The following PLEKHG1 variants were observed in gnomAD, a reference collection of about 807,000 sequenced individuals.
PLEKHG1 encodes the protein pleckstrin homology domain-containing family G member 1.
In PLEKHG1, 44 loss-of-function variants were observed where a neutral mutation model predicts 100.8. That is an observed-to-expected ratio of 0.44 (90% confidence interval 0.34 to 0.56). The LOEUF is 0.56. Among genes scored for constraint, PLEKHG1 ranks in the 20% least tolerant of loss-of-function variants. The pLI is 0.01. For synonymous variants in PLEKHG1, 640 were observed against 662.5 expected (o/e 0.97, Z 0.52); for missense variants, 1,545 against 1,720.9 (o/e 0.90, Z 1.81).
chr6:150,638,128 A>G (rs955564288), intron 2 of PLEKHG1: 2 of 152,152 alleles, frequency 1.3e-5, no homozygotes, highest in African/African-American at 4.8e-5. Context: ...TTAAGAAGGT[A>G]TTGTTCTTCA....
chr6:150,822,590 A>G (rs1776368468), intron 13 of PLEKHG1, among the ~76,000 whole-genome samples: 1 of 152,252 alleles, frequency 6.6e-6, no homozygotes, highest in African/African-American at 2.4e-5. Context: ...GGAATATTCT[A>G]CAGCTGTCAA....
At chr6:150,666,343 G>A (rs1377963919) in intron 3 of PLEKHG1, among the ~76,000 whole-genome samples, 2 of 152,126 alleles carry the variant, frequency 1.3e-5, no homozygotes, top group Non-Finnish European at 2.9e-5. Context: ...CACTGAGTTC[G>A]CCACAGGATA....
At chr6:150,704,343 TCAGAGACAAA>T (rs1780920359) in intron 3 of PLEKHG1, among the ~76,000 whole-genome samples, 3 of 152,208 alleles carry the variant, frequency 2.0e-5, no homozygotes, top group Non-Finnish European at 4.4e-5. Context: ...CCCTCTGAAC[TCAGAGACAAA>T]AGGGGCTTTT....
intron 10 of PLEKHG1, among the ~76,000 whole-genome samples, chr6:150,813,742 G>C (rs1034656246): frequency 2.0e-5 from 3 of 152,156 alleles, no homozygotes; most frequent in Non-Finnish European, 4.4e-5. Context: ...AGGTGGGACG[G>C]TTTTGAGTGT....
chr6:150,700,097 A>G (rs1459317470), intron 3 of PLEKHG1, among the ~76,000 whole-genome samples: 1 of 152,174 alleles, frequency 6.6e-6, no homozygotes, highest in Non-Finnish European at 1.5e-5. Flanking sequence ...CCAATATTAC[A>G]GTGAATCGGG....
intron 1 of PLEKHG1, among the ~76,000 whole-genome samples, chr6:150,730,720 T>C (rs1782204450): frequency 6.6e-6 from 1 of 152,090 alleles, no homozygotes; most frequent in African/African-American, 2.4e-5. Flanking sequence ...CTGGCCAACG[T>C]GGTGAAACCC....
At chr6:150,715,191 T>A (rs1016672498) in intron 3 of PLEKHG1, among the ~76,000 whole-genome samples, 5 of 152,186 alleles carry the variant, frequency 3.3e-5, no homozygotes, top group South Asian at 2.1e-4. Context: ...ATAATTTTTT[T>A]TAAAAAAAGA....
chr6:150,718,250 G>C (rs545835428), upstream of PLEKHG1, among the ~76,000 whole-genome samples: 1 of 152,110 alleles, frequency 6.6e-6, no homozygotes. Context: ...CAAAAGCCTG[G>C]TGGCAAACCA....
intron 15 of PLEKHG1, among the ~76,000 whole-genome samples, chr6:150,839,341 C>T (rs1039815538): frequency 3.3e-5 from 5 of 152,170 alleles, no homozygotes; most frequent in Non-Finnish European, 5.9e-5. Context: ...GTCTTGAACT[C>T]CTGACCTCAA....
chr6:150,806,204 A>C (rs1346453589), intron 7 of PLEKHG1, among the ~76,000 whole-genome samples: 1 of 135,232 alleles, frequency 7.4e-6, no homozygotes, highest in Non-Finnish European at 1.5e-5. Flanking sequence ...GGAAGATGAC[A>C]TTCTAATCTT....
intron 3 of PLEKHG1, among the ~76,000 whole-genome samples, chr6:150,653,310 T>C (rs1778823094): frequency 6.6e-6 from 1 of 152,108 alleles, no homozygotes; most frequent in Non-Finnish European, 1.5e-5. Context: ...ATTTAATATT[T>C]TTTCCTGGAG....
chr6:150,684,296 T>C (rs916062517), intron 3 of PLEKHG1, among the ~76,000 whole-genome samples: 1 of 152,196 alleles, frequency 6.6e-6, no homozygotes, highest in Non-Finnish European at 1.5e-5. Context: ...TGGGGATAGA[T>C]AGTTGCGTGA....
chr6:150,619,519 C>G (rs1217310145), intron 1 of PLEKHG1, among the ~76,000 whole-genome samples: 1 of 152,158 alleles, frequency 6.6e-6, no homozygotes, highest in Non-Finnish European at 1.5e-5. Flanking sequence ...TTTTCTGACA[C>G]AGTTTCATCT....
At chr6:150,737,285 T>C (rs1004058272) in intron 2 of PLEKHG1, among the ~76,000 whole-genome samples, 2 of 147,090 alleles carry the variant, frequency 1.4e-5, no homozygotes, top group African/African-American at 2.5e-5. Context: ...ATGGGTATTT[T>C]TTTTTTTTTT....
chr6:150,620,169 T>A (rs1343339610), intron 1 of PLEKHG1, among the ~76,000 whole-genome samples: 1 of 152,230 alleles, frequency 6.6e-6, no homozygotes. Context: ...TTATTGTGTT[T>A]TTAATCTGAA....
At chr6:150,763,782 G>A (rs1243260391) in intron 2 of PLEKHG1, among the ~76,000 whole-genome samples, 2 of 152,202 alleles carry the variant, frequency 1.3e-5, no homozygotes, top group Non-Finnish European at 2.9e-5. Flanking sequence ...GGGTCCCCAT[G>A]TACTCATTGA....
intron 14 of PLEKHG1, chr6:150,827,993 C>T (rs1184509701): frequency 8.5e-6 from 13 of 1,520,662 alleles, no homozygotes; most frequent in South Asian, 3.5e-5. Flanking sequence ...CCAAAGCTGG[C>T]GAGGGCTTGT....
At chr6:150,706,711 T>C (rs1436785580) in intron 3 of PLEKHG1, among the ~76,000 whole-genome samples, 1 of 151,994 alleles carries the variant, frequency 6.6e-6, no homozygotes, top group Admixed American at 6.6e-5. Flanking sequence ...TCTTAATTCC[T>C]TCATAGAAAC....
intron 3 of PLEKHG1, among the ~76,000 whole-genome samples, chr6:150,664,971 T>C (rs149455595): frequency 6.6e-6 from 1 of 152,276 alleles, no homozygotes; most frequent in East Asian, 1.9e-4. Flanking sequence ...ATAAGGCCAA[T>C]AATTGGGCTG....
Sources: allele counts gnomAD v4.1 joint callset (sites outside exome capture counted in the v4.1 genomes callset), GRCh38; gene constraint gnomAD v4.1.1; transcripts MANE v1.5; gene names NCBI Gene and HGNC (gene_info 2026-07-23, HGNC 2026-07-21).